The following SETX variants were observed in gnomAD, a reference collection of about 807,000 sequenced individuals.
SETX encodes senataxin.
Under a neutral mutation model 227.2 loss-of-function variants are expected in SETX, and 90 were observed. The observed-to-expected ratio is 0.40, with a 90% CI of 0.33 to 0.47. The LOEUF is 0.47. Ranked by LOEUF, SETX falls within the 20% of genes least tolerant of loss-of-function variation. The pLI is 0.91. For missense variants in SETX, 3,052 were observed against 3,181.5 expected (o/e 0.96, Z 0.98); for synonymous variants, 1,210 against 1,113.2 (o/e 1.09, Z -1.73).
At chr9:132,334,863 T>C (rs570002955) in intron 6 of SETX, 136 bp from the exon 7 acceptor site, 1 of 914,646 alleles carries the variant, frequency 1.1e-6, no homozygotes, top group South Asian at 1.4e-5. Context: ...AAGTCTCAGA[T>C]ATTCATACAC....
chr9:132,283,950 CTGTGATGGAGCCGGACGTGAG>C (rs1843684400), intron 18 of SETX, among the ~76,000 whole-genome samples: 1 of 152,192 alleles, frequency 6.6e-6, no homozygotes, highest in African/African-American at 2.4e-5. Flanking sequence ...ACGCAGTGTG[CTGTGATGGAGCCGGACGTGAG>C]TGACGCCTCA....
intron 11 of SETX, among the ~76,000 whole-genome samples, chr9:132,308,414 C>G (rs1202894929): frequency 8.7e-6 from 1 of 114,362 alleles, no homozygotes; most frequent in Non-Finnish European, 1.6e-5. Context: ...CTCTATAAAA[C>G]TAATTTTTCA....
rs575958416 is a variant in SETX at position 132,274,676 on chromosome 9, C to A, written c.7100+580G>T. On this transcript the variant is annotated intron_variant, in intron 23 of 25. Coordinates refer to ENST00000224140, the MANE Select transcript of SETX (RefSeq NM_015046.7). The stretch of plus-strand genomic sequence containing the variant: ...GCCCAGGCTGGTCTCAACCTCCTGA[C>A]CTCAGGTGATCTGCCCGCCTCAGCC... 8.5e-5 allele frequency among the ~76,000 whole-genome samples: 13 copies of A among 152,084 alleles called. No individual in the cohort carries two copies. In the East Asian group the frequency reaches 2.1e-3, roughly 25 times the overall value.
chr9:132,327,642 A>C lies in SETX; in HGVS notation c.3956T>G (p.Val1319Gly), dbSNP rs1435494878. 1.9e-6 allele frequency: 3 copies of C among 1,613,688 alleles called. No homozygotes were observed. The highest frequency in any genetic ancestry group is 2.5e-6 in the Non-Finnish European group (3 of 1,179,948). Residue 1319 changes from valine (V) to glycine (G), a missense_variant, in exon 10 of 26, where the codon GTA becomes GGA. This residue lies in a region of SETX where 1,483 missense variants were observed against 1,312.0 expected (regional missense o/e 1.13). Coordinates refer to ENST00000224140, the MANE Select transcript of SETX (RefSeq NM_015046.7). ...TTTAGTCTTTTTTCGGGTATCAACT[A>C]CTCCAACAGTTTTGCCATGATCACG... Reference protein sequence around the residue: ...QLRDHGKTVGVVDTRKKTKLI... With the variant: ...QLRDHGKTVGGVDTRKKTKLI...
At chr9:132,347,287 A>T (rs370081497) in intron 3 of SETX, among the ~76,000 whole-genome samples, 3 of 151,954 alleles carry the variant, frequency 2.0e-5, no homozygotes, top group Non-Finnish European at 4.4e-5. Context: ...AAAAACAAGA[A>T]AACAAAAAAT....
At position 132,278,504 on chromosome 9, in the gene SETX, G is replaced by A. The variant is rs186016321; in HGVS notation, c.6655-247C>T. Among the ~76,000 whole-genome samples the A allele has an allele frequency of 7.5e-4, 99 of 131,630 alleles. 1 individual carries two copies. The highest frequency in any genetic ancestry group is 2.8e-3 in the African/African-American group (99 of 35,318). The allele number at this position is 131,630 out of a possible 152,430, so 86.4% of individuals were successfully genotyped here. A position where few individuals can be genotyped will look rare whatever the true frequency, so the allele number is the denominator to read the frequency against. ...CAGTCTCGCTCTGTCACCCAGGCTG[G>A]AGTGCAGTGGCGTGATCTCAGCTCA... On this transcript the variant is annotated intron_variant, in intron 20 of 25. Transcript: ENST00000224140.
chr9:132,323,882 G>A (rs1209062445), intron 10 of SETX, among the ~76,000 whole-genome samples: 2 of 151,894 alleles, frequency 1.3e-5, no homozygotes, highest in East Asian at 1.9e-4. Context: ...CAGCCTGGGG[G>A]ACAGGAGTGA....
At chr9:132,317,733 T>C (rs1564526405) in intron 10 of SETX, among the ~76,000 whole-genome samples, 1 of 152,076 alleles carries the variant, frequency 6.6e-6, no homozygotes. Flanking sequence ...AAAATGCTGG[T>C]ATTACAGGCA....
chr9:132,316,664 A>T (rs950380398), intron 10 of SETX, among the ~76,000 whole-genome samples: 12 of 152,212 alleles, frequency 7.9e-5, no homozygotes, highest in African/African-American at 2.9e-4. Flanking sequence ...TCCTCTAACG[A>T]TCCATCCTTT....
At position 132,328,311 on chromosome 9, in the gene SETX, T is replaced by C. The variant is rs1488990452; in HGVS notation, c.3287A>G (p.His1096Arg). 3 of 1,613,940 alleles carry C rather than the reference T, an allele frequency of 1.9e-6. No homozygotes were observed. The highest frequency in any genetic ancestry group is 1.3e-5 in the African/African-American group (1 of 74,934). ...TTGAACTGAATTATTATCGTCTGGA[T>C]GATCTTGCCAAACTGAAAACACTTC... ...SSEVFSVWQD[H>R]PDDNNSVQDG... is the part of the protein sequence containing the mutation. Residue 1096 changes from histidine (H) to arginine (R), a missense_variant, in exon 10 of 26, where the codon CAT becomes CGT. His to Arg is a conservative substitution (Grantham distance 29). Coordinates refer to ENST00000224140, the MANE Select transcript of SETX (RefSeq NM_015046.7).
rs759671644 is a variant in SETX at position 132,328,164 on chromosome 9, C to T, written c.3434G>A (p.Arg1145Gln). The change falls in exon 10 of 26, where the codon CGG (arginine) becomes CAG (glutamine). Residue 1145 changes from arginine (R) to glutamine (Q), a missense_variant. Coordinates refer to ENST00000224140, the MANE Select transcript of SETX (RefSeq NM_015046.7). ...ACAAAATTCTTCAACAGAAATACTC[C>T]GTGGTCTTGTGTGTTCTTCAATGCC... ...AEGIEEHTRP[R>Q]SISVEEFCEI... The T allele has an allele frequency of 9.3e-6, 15 of 1,614,012 alleles. No individual in the cohort carries two copies. Among genetic ancestry groups the T allele is most frequent in the South Asian group, 2.2e-5 (2 of 91,082 alleles).
In SETX at chr9:132,327,027, T is replaced by C. The variant is rs1356566563; in HGVS notation, c.4571A>G (p.His1524Arg). The change falls in exon 10 of 26, where the codon CAT becomes CGT. Residue 1524 changes from histidine to arginine, a missense_variant. His to Arg is a conservative substitution (Grantham distance 29). This residue lies in a region of SETX where 1,483 missense variants were observed against 1,312.0 expected (regional missense o/e 1.13). Transcript: ENST00000224140. Reference sequence around the variant, plus strand: ...TTCAACCTCAACTGTATCTTTTCCATGAATTAGTTCAATGAGTTTATAATT... The same window carrying C: ...TTCAACCTCAACTGTATCTTTTCCACGAATTAGTTCAATGAGTTTATAATT... Reference protein sequence around the residue: ...NDNYKLIELIHGKDTVEVEED... With the variant: ...NDNYKLIELIRGKDTVEVEED... 6.2e-7 allele frequency: 1 copy of C among 1,614,246 alleles called. No individual in the cohort carries two copies. Among genetic ancestry groups the C allele is most frequent in the Non-Finnish European group, 8.5e-7 (1 of 1,180,042 alleles).
At chr9:132,294,900 A>AT (rs1454208844) in intron 15 of SETX, among the ~76,000 whole-genome samples, 1 of 152,194 alleles carries the variant, frequency 6.6e-6, no homozygotes, top group Non-Finnish European at 1.5e-5. Flanking sequence ...TGGGTTTTTG[A>AT]TTTTTAAAAA....
chr9:132,282,270 T>C (rs1014172796), intron 19 of SETX, among the ~76,000 whole-genome samples: 1 of 150,988 alleles, frequency 6.6e-6, no homozygotes, highest in African/African-American at 2.4e-5. Context: ...TAAAACTTTA[T>C]TTTAAATTTT....
chr9:132,345,329 A>G (rs1848221981), intron 4 of SETX, among the ~76,000 whole-genome samples: 1 of 152,234 alleles, frequency 6.6e-6, no homozygotes, highest in Non-Finnish European at 1.5e-5. Context: ...GCTGGAGTGC[A>G]GTGGCACAAT....
chr9:132,327,336 G>C lies in SETX; in HGVS notation c.4262C>G (p.Pro1421Arg), dbSNP rs778111855. The change falls in exon 10 of 26, where the codon CCA becomes CGA. Residue 1421 changes from proline to arginine, a missense_variant. Around this residue, in one of 10 missense-constraint regions of SETX, gnomAD observed 1,483 missense variants for 1,312.0 expected, o/e 1.13. Transcript: ENST00000224140. Reference protein sequence around the residue: ...KQLIKCMPSEPETIKAKHGSP... With the variant: ...KQLIKCMPSERETIKAKHGSP... Reference sequence around the variant, plus strand: ...CCCATGTTTTGCTTTTATGGTTTCTGGTTCAGAAGGCATGCATTTTATTAA... The same window carrying C: ...CCCATGTTTTGCTTTTATGGTTTCTCGTTCAGAAGGCATGCATTTTATTAA... 47 of 1,614,064 alleles carry C rather than the reference G, an allele frequency of 2.9e-5. No homozygotes were observed. The highest frequency in any genetic ancestry group is 3.6e-5 in the Non-Finnish European group (42 of 1,180,036).
In SETX at chr9:132,328,589, A is replaced by G. The variant is rs777938603; in HGVS notation, c.3009T>C (p.Asn1003=). 9.3e-6 allele frequency: 15 copies of G among 1,613,824 alleles called. No individual in the cohort carries two copies. In the Admixed American group the frequency reaches 2.5e-4, roughly 27 times the overall value. The change falls in exon 10 of 26, where the codon AAT becomes AAC. Residue 1003 remains asparagine, a synonymous_variant. Coordinates refer to ENST00000224140, the MANE Select transcript of SETX (RefSeq NM_015046.7). ...EDKRCFTANQ[N]NVGDTSRGQV... ...GTCCACGGGAGGTATCTCCAACATT[A>G]TTTTGGTTAGCTGTGAAACATCTTT...
At chr9:132,278,034 A>G (rs1843264183) in intron 21 of SETX, 36 bp downstream of exon 21, 1 of 1,590,178 alleles carries the variant, frequency 6.3e-7, no homozygotes, top group South Asian at 1.1e-5. Context: ...GCTAAACTAC[A>G]ACAAAATAAG....
rs1385229688 is a variant in SETX, at chr9:132,298,022, A to T, written c.5781+58T>A. 3 of 1,438,030 alleles carry T rather than the reference A, an allele frequency of 2.1e-6. No individual in the cohort carries two copies. In the African/African-American group the frequency reaches 4.2e-5, roughly 20 times the overall value. The allele number at this position is 1,438,030 out of a possible 1,614,324, so 89.1% of individuals were successfully genotyped here. On this transcript the variant is annotated intron_variant, in intron 13 of 25. Transcript: ENST00000224140. ...ATATAGGAATACATAGCAGCTAAAA[A>T]ATATGATGCTTTAACATCTTAACAT...
Sources: gnomAD v4.1 joint callset for allele counts (sites outside exome capture counted in the v4.1 genomes callset) on GRCh38, gnomAD v4.1.1 for gene constraint, gnomAD v4.1.1 regional missense constraint, MANE v1.5 for transcripts, NCBI Gene and HGNC (gene_info 2026-07-23, HGNC 2026-07-21) for gene names.